The following SMAD3 variants were observed in gnomAD, a reference collection of about 807,000 sequenced individuals.
SMAD3 encodes MAD homolog 3.
A neutral mutation model predicts 51.8 loss-of-function variants in SMAD3; 12 were observed. That is an observed-to-expected ratio of 0.23 (90% CI 0.15 to 0.38). The LOEUF (loss-of-function observed/expected upper bound fraction) is 0.38, where lower values mean the gene tolerates loss of function less well. Among genes scored for constraint, SMAD3 ranks in the 10% least tolerant of loss-of-function variants. The pLI is 1.00. For missense variants in SMAD3, 294 were observed against 565.6 expected, an observed-to-expected ratio of 0.52 and a Z score of 4.87; for synonymous variants, 238 against 227.7, an observed-to-expected ratio of 1.05 and a Z score of -0.41.
At chr15:67,136,275 C>G (rs187139641) in intron 1 of SMAD3, among the ~76,000 whole-genome samples, 17 of 152,212 alleles carry the variant, frequency 1.1e-4, no homozygotes, top group African/African-American at 3.9e-4. Flanking sequence ...TCTTGAGCTC[C>G]CAGGGTCATC....
At chr15:67,104,206 C>T (rs56099042) in intron 1 of SMAD3, among the ~76,000 whole-genome samples, 14,851 of 152,100 alleles carry the variant, frequency 0.098, 804 homozygotes, top group Middle Eastern at 0.13. Context: ...TATATTTCAA[C>T]TTCTGTAATC....
At chr15:67,172,286 G>A (rs768145848) in intron 5 of SMAD3, among the ~76,000 whole-genome samples, 7 of 152,218 alleles carry the variant, frequency 4.6e-5, no homozygotes, top group Admixed American at 3.9e-4. Context: ...GACCCTCCCC[G>A]AGCCTGGCCA....
At chr15:67,092,622 G>C (rs570276796) in intron 1 of SMAD3, among the ~76,000 whole-genome samples, 128 of 152,336 alleles carry the variant, frequency 8.4e-4, no homozygotes, top group Non-Finnish European at 1.6e-3. Context: ...CCGTGTGGAA[G>C]CTGGGGGCAG....
intron 1 of SMAD3, among the ~76,000 whole-genome samples, chr15:67,139,555 T>C (rs571884219): frequency 2.0e-5 from 3 of 152,278 alleles, no homozygotes; most frequent in Non-Finnish European, 4.4e-5. Context: ...GTAGCAGCCC[T>C]GGTGGGTCCT....
chr15:67,086,205 T>C (rs191437163), intron 1 of SMAD3, among the ~76,000 whole-genome samples: 1 of 152,198 alleles, frequency 6.6e-6, no homozygotes, highest in Admixed American at 6.5e-5. Context: ...CATACCTTAG[T>C]GTCAGTTCTT....
rs561772299 is a variant in SMAD3 at position 67,190,357 on chromosome 15, A to G, written c.1155-56A>G. 1.9e-6 allele frequency: 3 copies of G among 1,541,050 alleles called. No homozygotes were observed. In the South Asian group the frequency reaches 3.3e-5, roughly 17 times the overall value. The stretch of plus-strand genomic sequence containing the variant: ...GCAGAAAAAGCTTTCTGACTTGTGT[A>G]ACCCCCTGGAGATTTTTTAAGTCCC... On this transcript the variant is annotated intron_variant, in intron 8 of 8. Coordinates refer to ENST00000327367, the MANE Select transcript of SMAD3 (RefSeq NM_005902.4).
At position 67,192,235 on chromosome 15, in the gene SMAD3, G is replaced by C. The variant is rs188001329; in HGVS notation, c.*1699G>C. Reference sequence around the variant, plus strand: ...AGGCTTCCTGATGCCTCATCTGCAGGGTCCTGTGCCTCTGAAGTTCTAGCC... The same window carrying C: ...AGGCTTCCTGATGCCTCATCTGCAGCGTCCTGTGCCTCTGAAGTTCTAGCC... On this transcript the variant is annotated 3_prime_UTR_variant, in exon 9 of 9. Coordinates refer to ENST00000327367, the MANE Select transcript of SMAD3 (RefSeq NM_005902.4). The C allele has an allele frequency of 4.3e-6, 1 of 232,894 alleles. No individual in the cohort carries two copies. Among genetic ancestry groups the C allele is most frequent in the African/African-American group, 2.2e-5 (1 of 45,388 alleles). The allele number at this position is 232,894 out of a possible 1,614,324, so 14.4% of individuals were successfully genotyped here.
At chr15:67,118,496 A>C (rs1355328386) in intron 1 of SMAD3, among the ~76,000 whole-genome samples, 2 of 152,226 alleles carry the variant, frequency 1.3e-5, no homozygotes, top group Non-Finnish European at 2.9e-5. Flanking sequence ...CTTGGGTCCA[A>C]AGGTGTGTCA....
chr15:67,110,212 G>A (rs1161549267), intron 1 of SMAD3, among the ~76,000 whole-genome samples: 1 of 152,144 alleles, frequency 6.6e-6, no homozygotes, highest in Non-Finnish European at 1.5e-5. Context: ...TTGGAGTTCT[G>A]TGCTGCTTGG....
Position 67,066,075 on chromosome 15 carries a change from C to T in SMAD3, c.-80C>T. On this transcript the variant is annotated 5_prime_UTR_variant, in exon 1 of 9. Transcript: ENST00000327367. The stretch of plus-strand genomic sequence containing the variant: ...GCGACCGCGGCAGGCCCCGGCCGAG[C>T]TCCCCTCTGCGCCCCCGGCGTCCCG... 1 of 1,048,052 alleles carries T rather than the reference C, an allele frequency of 9.5e-7. No homozygotes were observed. The highest frequency in any genetic ancestry group is 3.2e-4 in the Middle Eastern group (1 of 3,134). The allele number at this position is 1,048,052 out of a possible 1,614,324, so 64.9% of individuals were successfully genotyped here.
intron 7 of SMAD3, among the ~76,000 whole-genome samples, chr15:67,185,753 A>G (rs1963208559): frequency 6.6e-6 from 1 of 152,150 alleles, no homozygotes; most frequent in South Asian, 2.1e-4. Context: ...CTCTTTCCTC[A>G]GGAAACCAAG....
chr15:67,175,069 C>T (rs1294348523), intron 5 of SMAD3, among the ~76,000 whole-genome samples: 7 of 152,120 alleles, frequency 4.6e-5, no homozygotes, highest in South Asian at 2.1e-4. Context: ...GGTGAGTCAC[C>T]GGGAATTTCC....
At chr15:67,127,506 C>G (rs530664476) in intron 1 of SMAD3, among the ~76,000 whole-genome samples, 1 of 152,210 alleles carries the variant, frequency 6.6e-6, no homozygotes, top group South Asian at 2.1e-4. Context: ...TGAATCCATA[C>G]AGGATGTAGG....
chr15:67,178,459 C>T (rs534969223), intron 5 of SMAD3, among the ~76,000 whole-genome samples: 2 of 152,178 alleles, frequency 1.3e-5, no homozygotes, highest in African/African-American at 2.4e-5. Flanking sequence ...CAAGCTGACC[C>T]GTGCCAGAGA....
intron 1 of SMAD3, among the ~76,000 whole-genome samples, chr15:67,066,659 G>A (rs906556103): frequency 6.6e-6 from 1 of 152,218 alleles, no homozygotes; most frequent in Admixed American, 6.5e-5. Context: ...GCGGGACTCG[G>A]CCGCCCCCAC....
chr15:67,123,423 C>T (rs1961313997), intron 1 of SMAD3, among the ~76,000 whole-genome samples: 1 of 152,156 alleles, frequency 6.6e-6, no homozygotes, highest in Non-Finnish European at 1.5e-5. Context: ...CGCTTGAACC[C>T]AGGAGGAGGA....
At chr15:67,111,828 T>TC (rs1425969994) in intron 1 of SMAD3, among the ~76,000 whole-genome samples, 4 of 152,170 alleles carry the variant, frequency 2.6e-5, no homozygotes, top group Non-Finnish European at 4.4e-5. Context: ...TGCTGGGATG[T>TC]CCAGGCTGGA....
At chr15:67,164,834 T>C in intron 1 of SMAD3, 61 bp from the exon 2 acceptor site, 7 of 1,567,096 alleles carry the variant, frequency 4.5e-6, no homozygotes, top group Non-Finnish European at 5.3e-6. Context: ...GAGGCCGGAC[T>C]CTGCAGAAAG....
intron 5 of SMAD3, among the ~76,000 whole-genome samples, chr15:67,175,569 C>A (rs975036823): frequency 2.0e-5 from 3 of 152,184 alleles, no homozygotes; most frequent in Non-Finnish European, 2.9e-5. Flanking sequence ...GTTATTTCTT[C>A]CAAAGGGAGG....
Sources: allele counts gnomAD v4.1 joint callset (sites outside exome capture counted in the v4.1 genomes callset), GRCh38; gene constraint gnomAD v4.1.1; transcripts MANE v1.5; gene names NCBI Gene and HGNC (gene_info 2026-07-23, HGNC 2026-07-21).